PM20D2: variants seen among roughly 807,000 people sequenced by gnomAD.
The protein encoded by PM20D2 is xaa-Arg dipeptidase.
PM20D2 carries 33 observed loss-of-function variants against 42.9 expected under a neutral mutation model. That is an observed-to-expected ratio of 0.77 (90% CI 0.58 to 1.03). PM20D2 has a LOEUF of 1.03. PM20D2 is among the 50% of genes least tolerant of loss of function. PM20D2 has a pLI of 0.00. For synonymous variants in PM20D2, 250 were observed against 228.2 expected (o/e 1.10, Z -0.86); for missense variants, 548 against 557.0 (o/e 0.98, Z 0.16).
At chr6:89,161,972 C>G in intron 6 of PM20D2, 82 bp downstream of exon 6, 2 of 1,478,810 alleles carry the variant, frequency 1.4e-6, no homozygotes, top group Non-Finnish European at 1.9e-6. Flanking sequence ...CCTACTATTT[C>G]ACTACATAAC....
the PM20D2 span, chr6:89,117,911 G>C: frequency 1.4e-5 from 22 of 1,555,040 alleles, no homozygotes; most frequent in East Asian, 8.0e-5. Flanking sequence ...GTTCCCTCCG[G>C]GTCTGCCCGC....
the PM20D2 span, among the ~76,000 whole-genome samples, chr6:89,102,295 C>A: frequency 0.063 from 9,540 of 152,010 alleles, 869 homozygotes; most frequent in African/African-American, 0.2. Flanking sequence ...AGGCACGTGC[C>A]ACCATACCTG....
At chr6:89,099,055 C>A in the PM20D2 span, 1 of 1,293,084 alleles carries the variant, frequency 7.7e-7, no homozygotes, top group South Asian at 1.7e-5. Context: ...TATATTTTTA[C>A]TAGATAAGCT....
intron 3 of PM20D2, among the ~76,000 whole-genome samples, chr6:89,153,892 A>G (rs1770943751): frequency 1.3e-5 from 2 of 152,196 alleles, no homozygotes. Context: ...GTGAGCCACC[A>G]TGCCTGGTCC....
the PM20D2 span, among the ~76,000 whole-genome samples, chr6:89,122,597 A>G: frequency 6.6e-6 from 1 of 152,222 alleles, no homozygotes; most frequent in South Asian, 2.1e-4. Context: ...TTAATATCTT[A>G]ATCAGATTAA....
chr6:89,109,629 G>A, the PM20D2 span, among the ~76,000 whole-genome samples: 2 of 152,174 alleles, frequency 1.3e-5, no homozygotes, highest in South Asian at 2.1e-4. Flanking sequence ...TGGAAGCCAA[G>A]GGTGATGGGA....
chr6:89,148,595 G>C (rs1361167642), intron 1 of PM20D2: 1 of 970,532 alleles, frequency 1.0e-6, no homozygotes, highest in Admixed American at 6.2e-5. Context: ...GTAATAGTTG[G>C]CTGTTTCTAA....
chr6:89,097,018 G>C, the PM20D2 span: 1 of 152,096 alleles, frequency 6.6e-6, no homozygotes, highest in Non-Finnish European at 1.5e-5. Context: ...TATTCAGAAA[G>C]TACAATATAC....
At chr6:89,134,206 C>T in the PM20D2 span, among the ~76,000 whole-genome samples, 18 of 151,254 alleles carry the variant, frequency 1.2e-4, no homozygotes, top group South Asian at 1.9e-3. Context: ...GTTGCCCCCA[C>T]CTAGAGCCAT....
chr6:89,095,294 C>T, the PM20D2 span, among the ~76,000 whole-genome samples: 7 of 152,208 alleles, frequency 4.6e-5, no homozygotes, highest in African/African-American at 1.7e-4. Context: ...GACACCATCT[C>T]GGCTCTCTGC....
At chr6:89,100,306 T>C in the PM20D2 span, among the ~76,000 whole-genome samples, 2 of 152,124 alleles carry the variant, frequency 1.3e-5, no homozygotes, top group Admixed American at 1.3e-4. Context: ...TGAGGAACAT[T>C]AGGTAACAAC....
intron 2 of PM20D2, among the ~76,000 whole-genome samples, chr6:89,152,157 A>G (rs1010038710): frequency 3.3e-5 from 5 of 152,116 alleles, no homozygotes; most frequent in African/African-American, 1.2e-4. Flanking sequence ...ATAACAATAC[A>G]GTATCCTGAA....
intron 1 of PM20D2, 82 bp downstream of exon 1, chr6:89,146,691 C>G (rs1770582553): frequency 7.6e-6 from 9 of 1,188,282 alleles, no homozygotes; most frequent in Non-Finnish European, 9.9e-6. Flanking sequence ...CTCGTGCGTC[C>G]CGCGCGCCTC....
intron 1 of PM20D2, 110 bp from the exon 2 acceptor site, chr6:89,149,155 A>G (rs1770738128): frequency 1.5e-6 from 2 of 1,337,438 alleles, no homozygotes; most frequent in Non-Finnish European, 2.1e-6. Context: ...ACCTGTCTTA[A>G]TAGGTTAAGG....
At chr6:89,140,488 T>C in the PM20D2 span, among the ~76,000 whole-genome samples, 1 of 132,500 alleles carries the variant, frequency 7.5e-6, no homozygotes, top group Admixed American at 7.5e-5. Flanking sequence ...AACACATTGC[T>C]TGAGGGATCA....
chr6:89,153,295 A>G (rs754198924), intron 3 of PM20D2, 110 bp downstream of exon 3: 7 of 812,962 alleles, frequency 8.6e-6, no homozygotes, highest in Non-Finnish European at 1.2e-5. Flanking sequence ...TGTACTTCAT[A>G]TGAATATTCT....
At chr6:89,147,786 G>C (rs941593894) in intron 1 of PM20D2, among the ~76,000 whole-genome samples, 1 of 150,502 alleles carries the variant, frequency 6.6e-6, no homozygotes, top group Non-Finnish European at 1.5e-5. Flanking sequence ...CCAGCTACTC[G>C]GGAGGCTGAG....
the PM20D2 span, among the ~76,000 whole-genome samples, chr6:89,102,626 T>G: frequency 6.6e-6 from 1 of 152,188 alleles, no homozygotes; most frequent in Non-Finnish European, 1.5e-5. Flanking sequence ...ATATTTGGAC[T>G]AAAGAAAAGG....
the PM20D2 span, chr6:89,105,563 G>C: frequency 7.0e-7 from 1 of 1,424,380 alleles, no homozygotes; most frequent in Non-Finnish European, 9.5e-7. Flanking sequence ...TTGAACATGA[G>C]ATATCAAGTA....
Sources: allele counts gnomAD v4.1 joint callset (sites outside exome capture counted in the v4.1 genomes callset), GRCh38; gene constraint gnomAD v4.1.1; transcripts MANE v1.5; gene names NCBI Gene and HGNC (gene_info 2026-07-23, HGNC 2026-07-21).